The following ASB15 variants were observed in gnomAD, a reference collection of about 807,000 sequenced individuals.
The protein encoded by ASB15 is ankyrin repeat and SOCS box protein 15.
Under a neutral mutation model 58.0 loss-of-function variants are expected in ASB15, and 54 were observed. The observed-to-expected ratio is 0.93, with a 90% confidence interval of 0.75 to 1.17. The LOEUF (loss-of-function observed/expected upper bound fraction) is 1.17. ASB15 is among the 50% of genes most tolerant of loss of function. The pLI is 0.00. For missense variants in ASB15, 680 were observed against 707.4 expected (o/e 0.96, Z 0.44); for synonymous variants, 249 against 262.4 (o/e 0.95, Z 0.50).
intron 1 of ASB15, among the ~76,000 whole-genome samples, chr7:123,577,099 T>A (rs1321176041): frequency 1.3e-5 from 2 of 152,156 alleles, no homozygotes; most frequent in Non-Finnish European, 2.9e-5. Flanking sequence ...CATAACCACC[T>A]CCTACTTAAT....
At chr7:123,618,271 A>G (rs907131307) in intron 7 of ASB15, among the ~76,000 whole-genome samples, 2 of 151,976 alleles carry the variant, frequency 1.3e-5, no homozygotes, top group Non-Finnish European at 2.9e-5. Context: ...TGTCTTGTAT[A>G]TCCCGCTATT....
chr7:123,570,422 C>T (rs910034805), intron 1 of ASB15, among the ~76,000 whole-genome samples: 5 of 152,056 alleles, frequency 3.3e-5, no homozygotes, highest in African/African-American at 9.7e-5. Flanking sequence ...TCCCTTCCAC[C>T]GAGAGTGGCA....
chr7:123,614,135 T>A, intron 3 of ASB15: 1 of 176,958 alleles, frequency 5.7e-6, no homozygotes, highest in Non-Finnish European at 1.2e-5. Context: ...AAGCTTTTAA[T>A]ATGTTATGTA....
At chr7:123,596,515 T>C (rs905636970) in intron 1 of ASB15, 11 of 151,926 alleles carry the variant, frequency 7.2e-5, no homozygotes, top group African/African-American at 2.4e-4. Context: ...AGGAGGCTGA[T>C]GCGAGATGAT....
intron 3 of ASB15, among the ~76,000 whole-genome samples, chr7:123,613,304 CT>C (rs145507333): frequency 0.083 from 12,575 of 151,990 alleles, 601 homozygotes; most frequent in African/African-American, 0.13. Flanking sequence ...TTGTTTTTCT[CT>C]CATTCAGAAG....
chr7:123,616,164 T>C (rs1025765749), intron 4 of ASB15, 57 bp from the exon 5 acceptor site: 42 of 1,352,692 alleles, frequency 3.1e-5, no homozygotes, highest in Non-Finnish European at 4.1e-5. Flanking sequence ...AAATGTTTGG[T>C]TCCTTGAACT....
chr7:123,581,414 T>TCAA (rs1799231344), intron 1 of ASB15, among the ~76,000 whole-genome samples: 1 of 124,458 alleles, frequency 8.0e-6, no homozygotes, highest in Non-Finnish European at 1.7e-5. Flanking sequence ...AGTGAGCACT[T>TCAA]AAAAAAAAAA....
intron 1 of ASB15, among the ~76,000 whole-genome samples, chr7:123,589,036 T>A (rs1054541503): frequency 6.6e-6 from 1 of 151,898 alleles, no homozygotes; most frequent in Non-Finnish European, 1.5e-5. Flanking sequence ...TGTATTCTTC[T>A]ATGTAATGTT....
intron 1 of ASB15, among the ~76,000 whole-genome samples, chr7:123,579,677 G>C (rs1057468936): frequency 1.3e-5 from 2 of 152,000 alleles, no homozygotes; most frequent in African/African-American, 4.8e-5. Context: ...CTGCTCCTGG[G>C]AGTTGAGTTA....
intron 1 of ASB15, among the ~76,000 whole-genome samples, chr7:123,570,562 C>T (rs532153616): frequency 2.0e-5 from 3 of 152,142 alleles, no homozygotes; most frequent in Admixed American, 6.5e-5. Context: ...TGGCTTCTGA[C>T]GTCCTCACTC....
intron 1 of ASB15, 103 bp downstream of exon 1, chr7:123,602,017 A>G (rs1470437001): frequency 6.6e-6 from 1 of 152,122 alleles, no homozygotes; most frequent in African/African-American, 2.4e-5. Context: ...TATAGTAGCT[A>G]CTCATTACTT....
At chr7:123,570,885 A>G (rs1798891997) in intron 1 of ASB15, among the ~76,000 whole-genome samples, 1 of 152,020 alleles carries the variant, frequency 6.6e-6, no homozygotes, top group Non-Finnish European at 1.5e-5. Flanking sequence ...ACTGAAAAGA[A>G]CTCTCAGCAG....
At position 123,616,508 on chromosome 7, in the gene ASB15, A is replaced by G. The variant is rs778991982; in HGVS notation, c.292+13A>G. On this transcript the variant is annotated intron_variant, in intron 6 of 11. Transcript: ENST00000451215. Reference sequence around the variant, plus strand: ...ATTGTTCTGGATGGTAAGAGAACATAAAACATGTTTGACCAAGCCAGAGCA... The same window carrying G: ...ATTGTTCTGGATGGTAAGAGAACATGAAACATGTTTGACCAAGCCAGAGCA... 7.5e-6 allele frequency: 12 copies of G among 1,610,004 alleles called. No homozygotes were observed. The East Asian group carries it at 2.5e-4, about 33-fold the overall frequency.
rs375007693 is a variant in ASB15, at chr7:123,577,040, T to C, written c.-443+9952T>C. Among the ~76,000 whole-genome samples the C allele has an allele frequency of 1.5e-4, 23 of 152,314 alleles. No homozygotes were observed. In the East Asian group the frequency reaches 3.5e-3, roughly 23 times the overall value. On this transcript the variant is annotated intron_variant, in intron 1 of 13. Transcript: ENST00000451558. Reference sequence around the variant, plus strand: ...CTATTTTAATATGGAAATTATTCTCTTATTGATATCATGTAAGACAACATT... The same window carrying C: ...CTATTTTAATATGGAAATTATTCTCCTATTGATATCATGTAAGACAACATT...
chr7:123,620,541 TATATATATATATA>T (rs1178227203), intron 7 of ASB15, among the ~76,000 whole-genome samples: 16 of 24,592 alleles, frequency 6.5e-4, no homozygotes, highest in South Asian at 1.6e-3. Context: ...TATATATATA[TATATATATATATA>T]TTTTTTTTTT....
At chr7:123,598,614 G>A (rs1219663609), upstream of ASB15, among the ~76,000 whole-genome samples, 4 of 152,154 alleles carry the variant, frequency 2.6e-5, no homozygotes, top group Non-Finnish European at 5.9e-5. Context: ...ATTTGAACAA[G>A]TCATCAGTGT....
chr7:123,616,192 T>A (rs750931448), intron 4 of ASB15, 29 bp from the exon 5 acceptor site: 1 of 1,512,762 alleles, frequency 6.6e-7, no homozygotes, highest in Non-Finnish European at 9.2e-7. Context: ...TAGTATCTAG[T>A]ATAAATATTA....
chr7:123,585,817 A>C (rs1799360934), intron 1 of ASB15, among the ~76,000 whole-genome samples: 1 of 151,792 alleles, frequency 6.6e-6, no homozygotes, highest in African/African-American at 2.4e-5. Flanking sequence ...CATATAAGAG[A>C]TATCATGCAG....
upstream of ASB15, among the ~76,000 whole-genome samples, chr7:123,597,159 A>C (rs1029248139): frequency 2.0e-5 from 3 of 152,326 alleles, 1 homozygote; most frequent in South Asian, 6.2e-4. Flanking sequence ...CCTTCTGAGT[A>C]GTGTGATGAA....
Sources: allele counts gnomAD v4.1 joint callset (sites outside exome capture counted in the v4.1 genomes callset), GRCh38; gene constraint gnomAD v4.1.1; transcripts MANE v1.5; gene names NCBI Gene and HGNC (gene_info 2026-07-23, HGNC 2026-07-21).